The following SIM1 variants were observed in gnomAD, a reference collection of about 807,000 sequenced individuals.
SIM1 encodes SIM bHLH transcription factor 1.
SIM1 carries 18 observed loss-of-function variants against 78.2 expected under a neutral mutation model. That is an observed-to-expected ratio of 0.23 (90% CI 0.16 to 0.34). The LOEUF (loss-of-function observed/expected upper bound fraction) is 0.34, where lower values mean the gene tolerates loss of function less well. Ranked by LOEUF, SIM1 falls within the 10% of genes least tolerant of loss-of-function variation. The pLI is 1.00. For missense variants in SIM1, 939 were observed against 975.1 expected (o/e 0.96, Z 0.49); for synonymous variants, 417 against 385.2 (o/e 1.08, Z -0.97).
intron 2 of SIM1, among the ~76,000 whole-genome samples, chr6:100,456,500 C>A (rs985491010): frequency 2.0e-5 from 3 of 152,150 alleles, no homozygotes; most frequent in Admixed American, 6.5e-5. Context: ...GCCGAGGGAA[C>A]GGGGTTTTGC....
chr6:100,426,935 G>A (rs992550662), intron 9 of SIM1, among the ~76,000 whole-genome samples: 10 of 152,176 alleles, frequency 6.6e-5, no homozygotes, highest in Admixed American at 5.9e-4. Context: ...AAATTACCAA[G>A]GAAACGTGGA....
intron 6 of SIM1, among the ~76,000 whole-genome samples, chr6:100,448,909 C>T (rs1772436612): frequency 6.6e-6 from 1 of 152,210 alleles, no homozygotes; most frequent in Admixed American, 6.5e-5. Context: ...AGCCTGGCCC[C>T]ACCAACCCTA....
At chr6:100,440,408 A>C (rs1772178385) in intron 9 of SIM1, among the ~76,000 whole-genome samples, 1 of 152,170 alleles carries the variant, frequency 6.6e-6, no homozygotes, top group South Asian at 2.1e-4. Context: ...ACAAAATCAC[A>C]ATCCTACTGC....
intron 2 of SIM1, 80 bp downstream of exon 2, chr6:100,463,214 G>T: frequency 1.6e-6 from 2 of 1,271,370 alleles, no homozygotes; most frequent in Non-Finnish European, 2.2e-6. Flanking sequence ...GCATTTCTCT[G>T]GTCACTGATG....
At chr6:100,405,606 T>G (rs1771033283) in intron 10 of SIM1, among the ~76,000 whole-genome samples, 1 of 152,168 alleles carries the variant, frequency 6.6e-6, no homozygotes, top group South Asian at 2.1e-4. Flanking sequence ...AAAAACATAT[T>G]CTGGCAAGAA....
chr6:100,388,361 A>AG lies in SIM1; in HGVS notation c.*1999_*2000insC, dbSNP rs966998987. 6.6e-6 allele frequency: 1 copy of AG among 152,162 alleles called. No homozygotes were observed. The highest frequency in any genetic ancestry group is 1.5e-5 in the Non-Finnish European group (1 of 68,016). 9.4% of individuals were successfully genotyped at this position (152,162 alleles called of 1,614,324 possible). On this transcript the variant is annotated 3_prime_UTR_variant, in exon 12 of 12. Transcript: ENST00000369208. ...TTTTTATCTGCATTTGATTGGAAAA[A>AG]AAACCACACATAAGTGAATCTGCAC...
intron 10 of SIM1, among the ~76,000 whole-genome samples, chr6:100,396,914 G>A (rs59094841): frequency 0.01 from 1,543 of 152,250 alleles, 28 homozygotes; most frequent in African/African-American, 0.035. Context: ...GCAGTAGTGG[G>A]TTAGATTAGA....
intron 10 of SIM1, 93 bp downstream of exon 10, chr6:100,420,697 T>C: frequency 8.1e-6 from 10 of 1,232,214 alleles, no homozygotes; most frequent in Non-Finnish European, 1.2e-5. Context: ...TAAAACTAGA[T>C]AATTCATTCC....
intron 10 of SIM1, among the ~76,000 whole-genome samples, chr6:100,412,971 A>G (rs914248986): frequency 6.6e-6 from 1 of 152,124 alleles, no homozygotes; most frequent in Non-Finnish European, 1.5e-5. Context: ...AACTCCCCTT[A>G]ACATGTGAGC....
intron 10 of SIM1, among the ~76,000 whole-genome samples, chr6:100,412,489 A>G (rs1373045678): frequency 1.3e-5 from 2 of 150,390 alleles, no homozygotes; most frequent in African/African-American, 4.9e-5. Flanking sequence ...GTGAGCCGAG[A>G]CAGTGCCACT....
intron 8 of SIM1, 112 bp from the exon 9 acceptor site, chr6:100,447,527 A>C: frequency 8.5e-7 from 1 of 1,182,698 alleles, no homozygotes. Context: ...TAATAACTGC[A>C]CCAGGCAGGA....
chr6:100,458,018 CTCTCTCTCTCTCT>C (rs1474230081), intron 2 of SIM1, among the ~76,000 whole-genome samples: 11,402 of 87,486 alleles, frequency 0.13, 834 homozygotes, highest in East Asian at 0.22. Flanking sequence ...CTCTCTCTCT[CTCTCTCTCTCTCT>C]CTCTCTCTCT....
intron 2 of SIM1, among the ~76,000 whole-genome samples, chr6:100,459,585 A>G (rs1175524161): frequency 1.3e-5 from 2 of 152,196 alleles, no homozygotes; most frequent in African/African-American, 2.4e-5. Flanking sequence ...ATATAACACC[A>G]TTAAGAATTT....
rs769280875 is a variant in SIM1, at chr6:100,420,866, A to T, written c.1091T>A (p.Met364Lys). 6.2e-7 allele frequency: 1 copy of T among 1,614,056 alleles called. No individual in the cohort carries two copies. The highest frequency in any genetic ancestry group is 8.5e-7 in the Non-Finnish European group (1 of 1,179,992). Residue 364 changes from methionine (M) to lysine (K), a missense_variant, in exon 10 of 12, where the codon ATG becomes AAG. Transcript: ENST00000369208. ...TTTGGCCCCCTTTCTGTTGTCAGTCATGGTGGGGGTGGAGCTGCTGGTATA... is the reference window on the plus strand; with the variant it reads ...TTTGGCCCCCTTTCTGTTGTCAGTCTTGGTGGGGGTGGAGCTGCTGGTATA... ...FSYTSSSTPT[M>K]TDNRKGAKSR... is the part of the protein sequence containing the mutation.
chr6:100,456,229 G>C (rs3798488), intron 2 of SIM1, among the ~76,000 whole-genome samples: 38,749 of 152,030 alleles, frequency 0.25, 5,301 homozygotes, highest in East Asian at 0.4. Context: ...CCTAGTAAGG[G>C]GTCCCCCCTC....
intron 11 of SIM1, 142 bp from the exon 12 acceptor site, chr6:100,391,233 G>A (rs1770632706): frequency 2.4e-6 from 2 of 849,278 alleles, no homozygotes; most frequent in Non-Finnish European, 3.4e-6. Flanking sequence ...CACATGATGT[G>A]AGCACATGAG....
At chr6:100,463,063 A>G (rs1772894766) in intron 2 of SIM1, 1 of 450,430 alleles carries the variant, frequency 2.2e-6, no homozygotes, top group Non-Finnish European at 3.9e-6. Flanking sequence ...AACCAAACAT[A>G]TCTGATGGAC....
At chr6:100,416,946 T>C (rs542848130) in intron 10 of SIM1, among the ~76,000 whole-genome samples, 2 of 150,910 alleles carry the variant, frequency 1.3e-5, no homozygotes, top group South Asian at 2.1e-4. Context: ...ACATTAATCC[T>C]CTCATTTCCT....
chr6:100,450,696 T>TCTCTCTCTCTCTCTCACACACACACA (rs1421452803), intron 3 of SIM1, among the ~76,000 whole-genome samples: 1 of 91,878 alleles, frequency 1.1e-5, no homozygotes, highest in Admixed American at 1.3e-4. Flanking sequence ...TCTCTCTCTC[T>TCTCTCTCTCTCTCTCACACACACACA]CACACACACA....
Sources: gnomAD v4.1 joint callset for allele counts (sites outside exome capture counted in the v4.1 genomes callset) on GRCh38, gnomAD v4.1.1 for gene constraint, MANE v1.5 for transcripts, NCBI Gene and HGNC (gene_info 2026-07-23, HGNC 2026-07-21) for gene names.